The following TRIO variants were observed in gnomAD, a reference collection of about 807,000 sequenced individuals.
TRIO encodes the protein triple functional domain protein.
A neutral mutation model predicts 351.9 loss-of-function variants in TRIO; 58 were observed. That is an observed-to-expected ratio of 0.16 (90% CI 0.13 to 0.21). TRIO has a LOEUF of 0.21. Ranked by LOEUF, TRIO falls within the 10% of genes least tolerant of loss-of-function variation. The pLI, the probability that TRIO is intolerant of heterozygous loss-of-function variation, is 1.00. For missense variants in TRIO, 3,201 were observed against 4,027.8 expected (o/e 0.79, Z 5.56); for synonymous variants, 1,758 against 1,595.7 (o/e 1.10, Z -2.42).
rs972886023 is a variant in TRIO at position 14,221,681 on chromosome 5, G to T, written c.158-49144G>T. 1.1e-4 allele frequency among the ~76,000 whole-genome samples: 16 copies of T among 152,234 alleles called. 1 individual carries two copies. Among genetic ancestry groups the T allele is most frequent in the Non-Finnish European group, 1.5e-5 (1 of 68,046 alleles). On this transcript the variant is annotated intron_variant, in intron 1 of 56. Transcript: ENST00000344204. Reference sequence around the variant, plus strand: ...AGCTACAAGTGGAGCCTGAAGATGGGACTGAATTACTGCAGTCTCGTGATT... The same window carrying T: ...AGCTACAAGTGGAGCCTGAAGATGGTACTGAATTACTGCAGTCTCGTGATT...
At position 14,497,148 on chromosome 5, in the gene TRIO, G is replaced by T; in HGVS notation, c.8019+131G>T. The T allele has an allele frequency of 7.4e-7, 1 of 1,351,446 alleles. No homozygotes were observed. The highest frequency in any genetic ancestry group is 2.5e-5 in the East Asian group (1 of 39,774). The allele number at this position is 1,351,446 out of a possible 1,614,324, so 83.7% of individuals were successfully genotyped here. A position where few individuals can be genotyped will look rare whatever the true frequency, so the allele number is the denominator to read the frequency against. On this transcript the variant is annotated intron_variant, in intron 50 of 56. Transcript: ENST00000344204. This position sits in a 1 kb window ranked among gnomAD's most constrained non-coding sequence, Gnocchi z 4.4. Reference sequence around the variant, plus strand: ...CTCCCACCCACCAGCCCCGTGCCCTGCGTGTCCTGTAGGGTCTTGTTAGGG... The same window carrying T: ...CTCCCACCCACCAGCCCCGTGCCCTTCGTGTCCTGTAGGGTCTTGTTAGGG...
chr5:14,274,122 C>A (rs1469672376), intron 2 of TRIO, among the ~76,000 whole-genome samples: 2 of 152,090 alleles, frequency 1.3e-5, no homozygotes, highest in Non-Finnish European at 2.9e-5. Flanking sequence ...CATATCCCCC[C>A]AAAAAACCCG....
At chr5:14,146,854 CAGGGTTCACCTCACCCA>C (rs1787551759) in intron 1 of TRIO, among the ~76,000 whole-genome samples, 1 of 152,216 alleles carries the variant, frequency 6.6e-6, no homozygotes, top group African/African-American at 2.4e-5. Flanking sequence ...AGCGTCCACC[CAGGGTTCACCTCACCCA>C]AGGTCTCATT....
intron 37 of TRIO, 65 bp from the exon 38 acceptor site, chr5:14,471,253 T>C: frequency 6.7e-7 from 1 of 1,498,818 alleles, no homozygotes; most frequent in Non-Finnish European, 9.0e-7. Context: ...TATTTTCTTG[T>C]CTTAGTTTTA....
chr5:14,486,756 C>T (rs915932676), intron 47 of TRIO, among the ~76,000 whole-genome samples: 3 of 152,120 alleles, frequency 2.0e-5, no homozygotes, highest in African/African-American at 4.8e-5. Flanking sequence ...TCACCTGCTT[C>T]TTGCACACCC....
At chr5:14,382,316 T>C (rs565788305) in intron 21 of TRIO, among the ~76,000 whole-genome samples, 1 of 152,330 alleles carries the variant, frequency 6.6e-6, no homozygotes, top group South Asian at 2.1e-4. Flanking sequence ...TGTCCATGTT[T>C]ATGTTTTCTG....
chr5:14,487,616 G>T lies in TRIO; in HGVS notation c.6988G>T (p.Ala2330Ser). The T allele has an allele frequency of 1.7e-6, 2 of 1,187,912 alleles. No individual in the cohort carries two copies. The highest frequency in any genetic ancestry group is 2.1e-6 in the Non-Finnish European group (2 of 950,462). The allele number at this position is 1,187,912 out of a possible 1,614,324, so 73.6% of individuals were successfully genotyped here. ...HSGGPSSCGGAPSTSRSRPSR... is the reference protein window; with the variant it reads ...HSGGPSSCGGSPSTSRSRPSR... ...TGGCGGCCCCAGCAGCTGCGGCGGCGCCCCCAGCACGAGCAGGAGCCGGCC... is the reference window on the plus strand; with the variant it reads ...TGGCGGCCCCAGCAGCTGCGGCGGCTCCCCCAGCACGAGCAGGAGCCGGCC... The change falls in exon 48 of 57, where the codon GCC (alanine) becomes TCC (serine). Residue 2330 changes from alanine to serine, a missense_variant. Physicochemically the swap from Ala to Ser is moderately conservative, Grantham distance 99. Around this residue, in one of 19 missense-constraint regions of TRIO, gnomAD observed 1,089 missense variants for 954.9 expected, o/e 1.14. Transcript: ENST00000344204.
At chr5:14,389,158 G>T in intron 24 of TRIO, 131 bp from the exon 25 acceptor site, 1 of 637,934 alleles carries the variant, frequency 1.6e-6, no homozygotes. Flanking sequence ...TTTATGTTTT[G>T]TAAAAGGGTC....
chr5:14,462,940 G>A lies in TRIO; in HGVS notation c.5667+15G>A. The A allele has an allele frequency of 6.4e-7, 1 of 1,552,794 alleles. No homozygotes were observed. Among genetic ancestry groups the A allele is most frequent in the Non-Finnish European group, 8.7e-7 (1 of 1,152,066 alleles). On this transcript the variant is annotated intron_variant, in intron 36 of 56. Coordinates refer to ENST00000344204, the MANE Select transcript of TRIO (RefSeq NM_007118.4). ...AGGATGACAAGGTAAAGGGGGATGAGGGCTGGGGAATCCATGCCTGCCGTG... is the reference window on the plus strand; with the variant it reads ...AGGATGACAAGGTAAAGGGGGATGAAGGCTGGGGAATCCATGCCTGCCGTG...
In TRIO at chr5:14,283,940, C is replaced by T. The variant is rs187937009; in HGVS notation, c.348-2931C>T. Reference sequence around the variant, plus strand: ...TTAGAATGTCTCTCGGTGGCTGTTGCTTTTATTACTTGAACTGTATTTAAT... The same window carrying T: ...TTAGAATGTCTCTCGGTGGCTGTTGTTTTTATTACTTGAACTGTATTTAAT... On this transcript the variant is annotated intron_variant, in intron 3 of 56. Coordinates refer to ENST00000344204, the MANE Select transcript of TRIO (RefSeq NM_007118.4). 3.3e-3 allele frequency among the ~76,000 whole-genome samples: 499 copies of T among 151,098 alleles called. 3 individuals carry two copies. Among genetic ancestry groups the T allele is most frequent in the African/African-American group, 0.011 (466 of 41,116 alleles).
chr5:14,430,771 A>T (rs943358005), intron 34 of TRIO, among the ~76,000 whole-genome samples: 4 of 151,754 alleles, frequency 2.6e-5, no homozygotes, highest in African/African-American at 9.7e-5. Flanking sequence ...GCTGGAGTGC[A>T]GTGGCATGAT....
chr5:14,183,929 T>G, intron 1 of TRIO: 1 of 697,258 alleles, frequency 1.4e-6, no homozygotes, highest in South Asian at 1.5e-5. Flanking sequence ...TAAAAAAGAT[T>G]AATAAATTAC....
intron 9 of TRIO, among the ~76,000 whole-genome samples, chr5:14,329,231 G>A (rs1740682587): frequency 1.3e-5 from 2 of 152,232 alleles, no homozygotes. Flanking sequence ...CTAGACCACT[G>A]TCTTTGCTGT....
chr5:14,411,771 G>GT (rs901253743), intron 33 of TRIO, among the ~76,000 whole-genome samples: 144 of 148,664 alleles, frequency 9.7e-4, no homozygotes, highest in Middle Eastern at 3.4e-3. Context: ...TGCCTGGCTA[G>GT]TTTTTTTTTT....
In TRIO at chr5:14,264,196, T is replaced by C. The variant is rs546682588; in HGVS notation, c.158-6629T>C. ...TTGTTTAAACTTTTTTTTGTTGTGGTCTTTTTGATTATTTTGGTTTTCTTT... is the reference window on the plus strand; with the variant it reads ...TTGTTTAAACTTTTTTTTGTTGTGGCCTTTTTGATTATTTTGGTTTTCTTT... On this transcript the variant is annotated intron_variant, in intron 1 of 56. Transcript: ENST00000344204. 2.6e-5 allele frequency among the ~76,000 whole-genome samples: 4 copies of C among 152,194 alleles called. No homozygotes were observed. In the East Asian group the frequency reaches 7.7e-4, roughly 29 times the overall value.
chr5:14,455,911 G>GACCC lies in TRIO; in HGVS notation c.5204-5108_5204-5107insACCC, dbSNP rs776748968. On this transcript the variant is annotated intron_variant, in intron 34 of 56. Transcript: ENST00000344204. ...CACACCTGCACTCCTCAGCCCTTGG[G>GACCC]CAGTCGATGGGACCGGGCGCTGCGG... Among the ~76,000 whole-genome samples, 273 of 152,384 alleles carry GACCC rather than the reference G, an allele frequency of 1.8e-3. 1 individual carries two copies. The highest frequency in any genetic ancestry group is 3.4e-3 in the Middle Eastern group (1 of 294).
chr5:14,497,107 C>T lies in TRIO; in HGVS notation c.8019+90C>T. 6.5e-7 allele frequency: 1 copy of T among 1,532,774 alleles called. No homozygotes were observed. The highest frequency in any genetic ancestry group is 8.8e-7 in the Non-Finnish European group (1 of 1,138,800). The allele number at this position is 1,532,774 out of a possible 1,614,324, so 94.9% of individuals were successfully genotyped here. ...GAGACTCTGCAGACCTGAAGCTGGG[C>T]TTGCTTATGACCTCCCTCCCACCCA... On this transcript the variant is annotated intron_variant, in intron 50 of 56. Transcript: ENST00000344204. The surrounding 1 kb of genome is among the most constrained non-coding windows in gnomAD (Gnocchi z 4.4).
intron 10 of TRIO, among the ~76,000 whole-genome samples, chr5:14,335,187 C>T (rs913561640): frequency 6.6e-6 from 1 of 152,206 alleles, no homozygotes; most frequent in Admixed American, 6.5e-5. Context: ...AGAAACCTGG[C>T]TCCCATTATC....
chr5:14,205,632 A>G (rs553504490), intron 1 of TRIO, among the ~76,000 whole-genome samples: 9 of 152,364 alleles, frequency 5.9e-5, no homozygotes, highest in African/African-American at 2.2e-4. Flanking sequence ...TGTGTTATTA[A>G]CACAAAATAT....
Sources: gnomAD v4.1 joint callset for allele counts (sites outside exome capture counted in the v4.1 genomes callset) on GRCh38, gnomAD v4.1.1 for gene constraint, gnomAD v4.1.1 regional missense constraint, Gnocchi (gnomAD v3.1) non-coding constraint, MANE v1.5 for transcripts, NCBI Gene and HGNC (gene_info 2026-07-23, HGNC 2026-07-21) for gene names.